Variants in AMOTL1 observed in about 807,000 individuals in gnomAD.
AMOTL1 encodes the protein angiomotin like 1, also known as angiomotin-like protein 1.
AMOTL1 carries 45 observed loss-of-function variants against 102.9 expected under a neutral mutation model. That is an observed-to-expected ratio of 0.44 (90% CI 0.34 to 0.56). AMOTL1 has a LOEUF of 0.56. AMOTL1 is among the 20% of genes least tolerant of loss of function. The pLI is 0.01. For missense variants in AMOTL1, 1,114 were observed against 1,225.6 expected, an observed-to-expected ratio of 0.91 and a Z score of 1.36; for synonymous variants, 481 against 484.7, an observed-to-expected ratio of 0.99 and a Z score of 0.10.
intron 3 of AMOTL1, among the ~76,000 whole-genome samples, chr11:94,810,831 GACACACACACACACAC>G (rs3995610): frequency 7.4e-4 from 107 of 143,756 alleles, no homozygotes; most frequent in African/African-American, 2.6e-3. Flanking sequence ...AAAAATAAAA[GACACACACACACACAC>G]ACACACACAC....
At chr11:94,771,341 T>A (rs1396447860) in intron 1 of AMOTL1, among the ~76,000 whole-genome samples, 1 of 151,416 alleles carries the variant, frequency 6.6e-6, no homozygotes, top group Non-Finnish European at 1.5e-5. Context: ...GTGTTTTGAA[T>A]AATTTTTCTC....
At position 94,875,044 on chromosome 11, in the gene AMOTL1, T is replaced by C. The variant is rs1953072603; in HGVS notation, c.*4249T>C. On this transcript the variant is annotated 3_prime_UTR_variant, in exon 13 of 13. Coordinates refer to ENST00000433060, the MANE Select transcript of AMOTL1 (RefSeq NM_130847.3). The stretch of plus-strand genomic sequence containing the variant: ...GGTAAGGCTTTAAGTAGCCAGAGAG[T>C]ATCCAGCCTACCATTGGCTTCTCCA... 1.3e-5 allele frequency: 2 copies of C among 152,160 alleles called. No individual in the cohort carries two copies. The highest frequency in any genetic ancestry group is 4.8e-5 in the African/African-American group (2 of 41,446). 9.4% of individuals were successfully genotyped at this position (152,160 alleles called of 1,614,324 possible). A position where few individuals can be genotyped will look rare whatever the true frequency, so the allele number is the denominator to read the frequency against.
chr11:94,712,387 A>G (rs1449983450), intron 1 of AMOTL1, among the ~76,000 whole-genome samples: 1 of 152,038 alleles, frequency 6.6e-6, no homozygotes, highest in Admixed American at 6.6e-5. Context: ...ACCTCAAACT[A>G]TAAAAATCCT....
At position 94,799,070 on chromosome 11, in the gene AMOTL1, T is replaced by C. The variant is rs1319229368; in HGVS notation, c.200-320T>C. On this transcript the variant is annotated intron_variant, in intron 2 of 12. Coordinates refer to ENST00000433060, the MANE Select transcript of AMOTL1 (RefSeq NM_130847.3). This position sits in a 1 kb window ranked among gnomAD's most constrained non-coding sequence, Gnocchi z 4.5. The stretch of plus-strand genomic sequence containing the variant: ...TGATTTTGGTTTTCTCTTGTATTTT[T>C]TTTTAAATGGGAAAGACTTGGGTAT... Among the ~76,000 whole-genome samples the C allele has an allele frequency of 1.3e-5, 2 of 152,094 alleles. No individual in the cohort carries two copies. The highest frequency in any genetic ancestry group is 4.8e-5 in the African/African-American group (2 of 41,390).
chr11:94,761,356 T>C (rs1256401031), intron 3 of AMOTL1, among the ~76,000 whole-genome samples: 1 of 151,854 alleles, frequency 6.6e-6, no homozygotes, highest in Non-Finnish European at 1.5e-5. Context: ...GCCTGGCTAA[T>C]TTTTGTATTT....
chr11:94,764,719 G>C (rs745546445), upstream of AMOTL1, among the ~76,000 whole-genome samples: 2 of 152,204 alleles, frequency 1.3e-5, 1 homozygote, highest in South Asian at 4.1e-4. Flanking sequence ...TCAAGAAGGG[G>C]TGCTGAGAAA....
Position 94,873,815 on chromosome 11 carries a change from C to A in AMOTL1, c.*3020C>A. ...CACACACACACACACACACACACAG[C>A]TATCACACATCTCAGAGCCTAAGAA... On this transcript the variant is annotated 3_prime_UTR_variant, in exon 13 of 13. Transcript: ENST00000433060. 1 of 133,460 alleles carries A rather than the reference C, an allele frequency of 7.5e-6. No homozygotes were observed. 8.3% of individuals were successfully genotyped at this position (133,460 alleles called of 1,614,324 possible).
chr11:94,806,778 G>A (rs550404710), intron 3 of AMOTL1, among the ~76,000 whole-genome samples: 1 of 152,262 alleles, frequency 6.6e-6, no homozygotes, highest in East Asian at 1.9e-4. Flanking sequence ...AAACAGGAGG[G>A]TTATCTGTAG....
intron 3 of AMOTL1, among the ~76,000 whole-genome samples, chr11:94,752,287 C>G (rs555221866): frequency 2.0e-5 from 3 of 152,250 alleles, no homozygotes; most frequent in African/African-American, 7.2e-5. Flanking sequence ...CCTCCTCTTG[C>G]TCCCTCCTCC....
At chr11:94,780,802 C>A (rs574115069) in intron 1 of AMOTL1, among the ~76,000 whole-genome samples, 4 of 152,276 alleles carry the variant, frequency 2.6e-5, no homozygotes, top group Admixed American at 6.5e-5. Flanking sequence ...AGAAATTAAA[C>A]CATTTGTTTA....
At chr11:94,727,584 G>A (rs1327631362) in intron 1 of AMOTL1, among the ~76,000 whole-genome samples, 1 of 152,142 alleles carries the variant, frequency 6.6e-6, no homozygotes, top group Non-Finnish European at 1.5e-5. Context: ...CTGCAAGTCT[G>A]GGAGGCCTGA....
At chr11:94,774,654 G>A (rs1950998679) in intron 1 of AMOTL1, among the ~76,000 whole-genome samples, 1 of 152,170 alleles carries the variant, frequency 6.6e-6, no homozygotes, top group Admixed American at 6.5e-5. Context: ...CGCACCCCTA[G>A]AGTTTCTGTT....
intron 8 of AMOTL1, among the ~76,000 whole-genome samples, chr11:94,854,434 G>A (rs534162284): frequency 1.3e-5 from 2 of 152,178 alleles, no homozygotes; most frequent in Non-Finnish European, 2.9e-5. Flanking sequence ...ATATGGTAAA[G>A]GACAGGGCCC....
In AMOTL1 at chr11:94,840,693, C is replaced by T. The variant is rs1010556698; in HGVS notation, c.1648+9152C>T. Among the ~76,000 whole-genome samples, 521 of 142,020 alleles carry T rather than the reference C, an allele frequency of 3.7e-3. 2 individuals are homozygous for T. The highest frequency in any genetic ancestry group is 0.014 in the African/African-American group (485 of 35,872). The allele number at this position is 142,020 out of a possible 152,430, so 93.2% of individuals were successfully genotyped here. On this transcript the variant is annotated intron_variant, in intron 6 of 12. Coordinates refer to ENST00000433060, the MANE Select transcript of AMOTL1 (RefSeq NM_130847.3). ...ATATATATATATATACACACACACA[C>T]ACACACACACACACATATATATATA...
chr11:94,777,185 A>G (rs1281615907), intron 1 of AMOTL1, among the ~76,000 whole-genome samples: 1 of 152,242 alleles, frequency 6.6e-6, no homozygotes, highest in East Asian at 1.9e-4. Context: ...ACAACCATTT[A>G]TACAAACATT....
chr11:94,811,769 G>A (rs940869308), intron 3 of AMOTL1, among the ~76,000 whole-genome samples: 1 of 152,160 alleles, frequency 6.6e-6, no homozygotes, highest in South Asian at 2.1e-4. Context: ...GCACTTTAAA[G>A]TTAAGGAGAA....
intron 3 of AMOTL1, among the ~76,000 whole-genome samples, chr11:94,742,377 C>T (rs1049942243): frequency 6.6e-6 from 1 of 152,212 alleles, no homozygotes; most frequent in African/African-American, 2.4e-5. Flanking sequence ...ATTTGGTCCT[C>T]TTAAATTGTA....
chr11:94,835,170 T>C (rs1442977488), intron 6 of AMOTL1, among the ~76,000 whole-genome samples: 1 of 152,228 alleles, frequency 6.6e-6, no homozygotes, highest in African/African-American at 2.4e-5. Context: ...TGGTCTTGCT[T>C]GTTTGTTTTT....
In AMOTL1 at chr11:94,799,263, A is replaced by G. The variant is rs1951422971; in HGVS notation, c.200-127A>G. 1 of 804,608 alleles carries G rather than the reference A, an allele frequency of 1.2e-6. No individual in the cohort carries two copies. The highest frequency in any genetic ancestry group is 1.9e-5 in the South Asian group (1 of 53,256). The allele number at this position is 804,608 out of a possible 1,614,324, so 49.8% of individuals were successfully genotyped here. A position where few individuals can be genotyped will look rare whatever the true frequency, so the allele number is the denominator to read the frequency against. On this transcript the variant is annotated intron_variant, in intron 2 of 12. Coordinates refer to ENST00000433060, the MANE Select transcript of AMOTL1 (RefSeq NM_130847.3). The surrounding 1 kb of genome is among the most constrained non-coding windows in gnomAD (Gnocchi z 4.5). ...AGACATTGCCAGGTAAATGGAGGTGATGATGCATTTGAAATCTTATTTTTA... is the reference window on the plus strand; with the variant it reads ...AGACATTGCCAGGTAAATGGAGGTGGTGATGCATTTGAAATCTTATTTTTA...
Sources: allele counts gnomAD v4.1 joint callset (sites outside exome capture counted in the v4.1 genomes callset), GRCh38; gene constraint gnomAD v4.1.1; non-coding constraint Gnocchi (gnomAD v3.1); transcripts MANE v1.5; gene names NCBI Gene and HGNC (gene_info 2026-07-23, HGNC 2026-07-21).